HS3ST4: variants seen among roughly 807,000 people sequenced by gnomAD.
HS3ST4 encodes heparan sulfate glucosamine 3-O-sulfotransferase 4.
HS3ST4 carries 17 observed loss-of-function variants against 29.2 expected under a neutral mutation model. The observed-to-expected ratio is 0.58, with a 90% CI of 0.40 to 0.87. The LOEUF is 0.87. Among genes scored for constraint, HS3ST4 ranks in the 40% least tolerant of loss-of-function variants. HS3ST4 has a pLI of 0.00. For synonymous variants in HS3ST4, 314 were observed against 285.7 expected (o/e 1.10, Z -1.00); for missense variants, 627 against 634.5 (o/e 0.99, Z 0.13).
intron 1 of HS3ST4, among the ~76,000 whole-genome samples, chr16:25,735,808 A>T (rs1966604942): frequency 6.6e-6 from 1 of 152,190 alleles, no homozygotes; most frequent in South Asian, 2.1e-4. Flanking sequence ...TTACATACTC[A>T]TCCCTGAGCC....
At chr16:25,719,732 CT>C (rs904278309) in intron 1 of HS3ST4, among the ~76,000 whole-genome samples, 6 of 152,224 alleles carry the variant, frequency 3.9e-5, no homozygotes, top group African/African-American at 9.6e-5. Context: ...CAGCCCTTAA[CT>C]TTTATGGGGC....
At chr16:26,087,717 A>T (rs1186490107) in intron 1 of HS3ST4, among the ~76,000 whole-genome samples, 1 of 152,154 alleles carries the variant, frequency 6.6e-6, no homozygotes, top group Non-Finnish European at 1.5e-5. Flanking sequence ...CATTATACTT[A>T]CTGGCTAAAA....
At chr16:25,886,222 G>A (rs1158376317) in intron 1 of HS3ST4, among the ~76,000 whole-genome samples, 6 of 151,746 alleles carry the variant, frequency 4.0e-5, no homozygotes, top group Admixed American at 3.3e-4. Context: ...TAGTAGAGAT[G>A]GGGTTTCACC....
At chr16:26,094,730 C>T (rs1023192637) in intron 1 of HS3ST4, among the ~76,000 whole-genome samples, 1 of 152,192 alleles carries the variant, frequency 6.6e-6, no homozygotes, top group African/African-American at 2.4e-5. Flanking sequence ...AACTAGCTAA[C>T]ATCATAATGA....
intron 1 of HS3ST4, among the ~76,000 whole-genome samples, chr16:25,835,161 T>C (rs1967344952): frequency 6.6e-6 from 1 of 152,314 alleles, no homozygotes; most frequent in East Asian, 1.9e-4. Context: ...CTAAAATGTA[T>C]CATCATTAAT....
At chr16:26,126,414 A>G (rs1358797358) in intron 1 of HS3ST4, among the ~76,000 whole-genome samples, 2 of 152,236 alleles carry the variant, frequency 1.3e-5, no homozygotes, top group Non-Finnish European at 2.9e-5. Context: ...TGTTTTAGGC[A>G]ATAAAGACAG....
Position 26,119,691 on chromosome 16 carries a change from CTCT to C in HS3ST4, c.735-15916_735-15914del, listed in dbSNP as rs1270236668. ...TATTCTCCCTCCTTTCTTTCTCCTT[CTCT>C]TCTTTTCTGCTTTTCATTATTTCTT... On this transcript the variant is annotated intron_variant, in intron 1 of 1. Coordinates refer to ENST00000331351, the MANE Select transcript of HS3ST4 (RefSeq NM_006040.3). Among the ~76,000 whole-genome samples the C allele has an allele frequency of 2.6e-5, 4 of 152,180 alleles. No homozygotes were observed. In the East Asian group the frequency reaches 5.8e-4, roughly 22 times the overall value.
In HS3ST4 at chr16:26,137,581, G is replaced by T. The variant is rs1898303616; in HGVS notation, c.*1333G>T. 6.6e-6 allele frequency: 1 copy of T among 152,198 alleles called. No homozygotes were observed. The highest frequency in any genetic ancestry group is 2.1e-4 in the South Asian group (1 of 4,830). 9.4% of individuals were successfully genotyped at this position (152,198 alleles called of 1,614,324 possible). ...ACCAGGAATTGTTCTAGTAAAACTG[G>T]AAATTTGTATGAGTGGGGGGAGTTA... On this transcript the variant is annotated 3_prime_UTR_variant, in exon 2 of 2. Transcript: ENST00000331351.
In HS3ST4 at chr16:25,844,069, GA is replaced by G. The variant is rs1275773463; in HGVS notation, c.734+150919del. Among the ~76,000 whole-genome samples the G allele has an allele frequency of 1.3e-4, 17 of 133,142 alleles. No homozygotes were observed. In the Admixed American group the frequency reaches 1.3e-3, roughly 11 times the overall value. The allele number at this position is 133,142 out of a possible 152,430, so 87.3% of individuals were successfully genotyped here. On this transcript the variant is annotated intron_variant, in intron 1 of 1. Coordinates refer to ENST00000331351, the MANE Select transcript of HS3ST4 (RefSeq NM_006040.3). ...TTCTAACTGCTGAACAGGTAAGGCA[GA>G]TTTTTCACATGTTTGTTTTTTAAAT... is the stretch of plus-strand genomic sequence containing the variant.
intron 1 of HS3ST4, among the ~76,000 whole-genome samples, chr16:25,992,603 A>G (rs990306833): frequency 4.6e-5 from 7 of 152,134 alleles, no homozygotes; most frequent in South Asian, 2.1e-4. Flanking sequence ...GAAATGCCCA[A>G]ATGGTTTGAG....
rs575417108 is a variant in HS3ST4, at chr16:25,698,863, C to T, written c.734+5712C>T. Among the ~76,000 whole-genome samples, 6 of 152,144 alleles carry T rather than the reference C, an allele frequency of 3.9e-5. No individual in the cohort carries two copies. In the South Asian group the frequency reaches 1.0e-3, roughly 26 times the overall value. On this transcript the variant is annotated intron_variant, in intron 1 of 1. Coordinates refer to ENST00000331351, the MANE Select transcript of HS3ST4 (RefSeq NM_006040.3). ...GGCTCAGACAGGTCGTATAAATGAG[C>T]GAGGTAGACTAGGTGGAGAGAAGCT...
chr16:26,026,250 G>A (rs749849241), intron 1 of HS3ST4, among the ~76,000 whole-genome samples: 3 of 152,182 alleles, frequency 2.0e-5, no homozygotes, highest in Admixed American at 6.5e-5. Flanking sequence ...TTTCTCCTTA[G>A]GGTGATAACC....
chr16:25,963,759 G>A (rs1482725596), intron 1 of HS3ST4, among the ~76,000 whole-genome samples: 2 of 152,242 alleles, frequency 1.3e-5, no homozygotes, highest in Non-Finnish European at 2.9e-5. Context: ...CTTTGCTGAG[G>A]ATTGACTAAT....
chr16:26,134,200 A>T (rs1415088305), intron 1 of HS3ST4, among the ~76,000 whole-genome samples: 8 of 151,970 alleles, frequency 5.3e-5, no homozygotes, highest in Non-Finnish European at 7.4e-5. Context: ...AGAGATACTG[A>T]CCCTGGTATG....
intron 1 of HS3ST4, among the ~76,000 whole-genome samples, chr16:25,970,291 G>C (rs1162805317): frequency 2.6e-5 from 4 of 152,116 alleles, no homozygotes; most frequent in African/African-American, 7.2e-5. Context: ...ACTGTTGTGG[G>C]GATTAAACGT....
At chr16:25,695,920 G>A (rs1966292582) in intron 1 of HS3ST4, among the ~76,000 whole-genome samples, 1 of 152,196 alleles carries the variant, frequency 6.6e-6, no homozygotes, top group Non-Finnish European at 1.5e-5. Context: ...AGAAGAAATT[G>A]GGGCTGCTCT....
Position 25,998,252 on chromosome 16 carries a change from GCCTGGGCAACAAAGCAAGAC to G in HS3ST4, c.735-137355_735-137336del, listed in dbSNP as rs374988964. ...GCTGAGGTTGCACCACTGCACTCCAGCCTGGGCAACAAAGCAAGACCCTGTCTCGAAAAAAATATATAATA... is the reference window on the plus strand; with the variant it reads ...GCTGAGGTTGCACCACTGCACTCCAGCCTGTCTCGAAAAAAATATATAATA... On this transcript the variant is annotated intron_variant, in intron 1 of 1. Transcript: ENST00000331351. 4.0e-3 allele frequency among the ~76,000 whole-genome samples: 607 copies of G among 152,238 alleles called. 6 individuals are homozygous for G. The highest frequency in any genetic ancestry group is 0.014 in the African/African-American group (566 of 41,534).
chr16:25,936,678 C>T (rs1298532498), intron 1 of HS3ST4, among the ~76,000 whole-genome samples: 1 of 152,150 alleles, frequency 6.6e-6, no homozygotes, highest in African/African-American at 2.4e-5. Context: ...GGAATGTGCC[C>T]CTTGCAGGGA....
At chr16:25,893,679 C>G (rs970354065) in intron 1 of HS3ST4, among the ~76,000 whole-genome samples, 31 of 152,244 alleles carry the variant, frequency 2.0e-4, no homozygotes, top group African/African-American at 7.2e-4. Flanking sequence ...ACGTTTAGAG[C>G]CTGGAAATGG....
Sources: allele counts gnomAD v4.1 joint callset (sites outside exome capture counted in the v4.1 genomes callset), GRCh38; gene constraint gnomAD v4.1.1; transcripts MANE v1.5; gene names NCBI Gene and HGNC (gene_info 2026-07-23, HGNC 2026-07-21).